The following GPC3 variants were observed in gnomAD, a reference collection of about 807,000 sequenced individuals.
The protein encoded by GPC3 is glypican 3.
GPC3 carries 3 observed loss-of-function variants against 34.4 expected under a neutral mutation model. The observed-to-expected ratio is 0.09, with a 90% confidence interval of 0.04 to 0.23. The LOEUF is 0.23. GPC3 is among the 10% of genes least tolerant of loss of function. The probability of loss-of-function intolerance (pLI) is 1.00; values close to 1 mark genes in which losing one functional copy is unlikely to be tolerated. For synonymous variants in GPC3, 177 were observed against 174.0 expected, an observed-to-expected ratio of 1.02 and a Z score of -0.13; for missense variants, 351 against 445.6, an observed-to-expected ratio of 0.79 and a Z score of 1.91.
At chrX:133,540,527 CATAAT>C (rs1298825597) in intron 7 of GPC3, among the ~76,000 whole-genome samples, 2 of 110,986 alleles carry the variant, frequency 1.8e-5, no homozygotes, top group Non-Finnish European at 3.8e-5. Flanking sequence ...ATAAGAATGA[CATAAT>C]AGACACTGGG....
At chrX:133,628,840 G>T (rs2070335277) in intron 6 of GPC3, among the ~76,000 whole-genome samples, 1 of 110,478 alleles carries the variant, frequency 9.1e-6, no homozygotes, top group South Asian at 3.9e-4. Flanking sequence ...TTACAAATAG[G>T]GTATGGCATA....
chrX:133,903,574 A>G (rs2076155253), intron 2 of GPC3, among the ~76,000 whole-genome samples: 1 of 112,406 alleles, frequency 8.9e-6, no homozygotes, highest in Non-Finnish European at 1.9e-5. Flanking sequence ...GGGCGACAAG[A>G]GCGAAACTCT....
At chrX:133,829,715 T>C (rs192297355) in intron 2 of GPC3, among the ~76,000 whole-genome samples, 1 of 111,891 alleles carries the variant, frequency 8.9e-6, no homozygotes, top group African/African-American at 3.2e-5. Context: ...AAAAATAATA[T>C]ACTATGCAAA....
At chrX:133,773,893 G>T (rs900504926) in intron 2 of GPC3, among the ~76,000 whole-genome samples, 3 of 111,665 alleles carry the variant, frequency 2.7e-5, no homozygotes, top group African/African-American at 9.8e-5. Flanking sequence ...AGGACTACCT[G>T]AGTGTTAAGT....
intron 2 of GPC3, among the ~76,000 whole-genome samples, chrX:133,899,045 A>T (rs1274642228): frequency 8.9e-6 from 1 of 112,042 alleles, no homozygotes. Flanking sequence ...AGGCACACAC[A>T]TGTTTTTTAA....
intron 5 of GPC3, chrX:133,671,282 A>G: frequency 1.1e-6 from 1 of 929,330 alleles, no homozygotes; most frequent in Non-Finnish European, 1.6e-6. Flanking sequence ...GTATGAGAAG[A>G]AAAAGACCTC....
At chrX:133,954,585 C>A (rs1405451672) in intron 1 of GPC3, among the ~76,000 whole-genome samples, 1 of 109,926 alleles carries the variant, frequency 9.1e-6, no homozygotes, top group Non-Finnish European at 1.9e-5. Flanking sequence ...GAGAAGGCAT[C>A]TTCCATAAGG....
intron 3 of GPC3, among the ~76,000 whole-genome samples, chrX:133,703,816 C>G (rs758577240): frequency 1.3e-4 from 15 of 111,691 alleles, no homozygotes; most frequent in South Asian, 7.5e-4. Context: ...CCAGAAGCAC[C>G]GTCCTTGTAC....
intron 2 of GPC3, among the ~76,000 whole-genome samples, chrX:133,921,972 T>A (rs1322063522): frequency 8.9e-6 from 1 of 112,592 alleles, no homozygotes. Context: ...CTGGTTGCCA[T>A]CTGGCCATTA....
At chrX:133,557,150 C>T (rs1307047567) in intron 7 of GPC3, among the ~76,000 whole-genome samples, 6 of 108,464 alleles carry the variant, frequency 5.5e-5, no homozygotes, top group African/African-American at 1.3e-4. Context: ...AAAAATTAGC[C>T]GGGCATGGTG....
chrX:133,848,700 A>G (rs1603258922), intron 2 of GPC3, among the ~76,000 whole-genome samples: 1 of 111,994 alleles, frequency 8.9e-6, no homozygotes, highest in African/African-American at 3.2e-5. Flanking sequence ...ATGCAGTCAC[A>G]TAAGCACAGT....
chrX:133,676,072 G>C (rs1486598509), intron 5 of GPC3, among the ~76,000 whole-genome samples: 1 of 112,230 alleles, frequency 8.9e-6, no homozygotes, highest in Non-Finnish European at 1.9e-5. Context: ...ATTGCTTCAT[G>C]AGCCATCTAT....
At chrX:133,612,015 A>T (rs2070118242) in intron 6 of GPC3, among the ~76,000 whole-genome samples, 1 of 112,395 alleles carries the variant, frequency 8.9e-6, no homozygotes, top group African/African-American at 3.2e-5. Context: ...TCACATGCTT[A>T]GGCACTCACA....
rs529596458 is a variant in GPC3 at position 133,872,703 on chromosome X, C to T, written c.337+80347G>A. On this transcript the variant is annotated intron_variant, in intron 2 of 7. Transcript: ENST00000370818. ...AGACTGAACATTTGTCTACTGGCTTCAAAGTCTACCTCTTTTTTTCCCTTT... is the reference window on the plus strand; with the variant it reads ...AGACTGAACATTTGTCTACTGGCTTTAAAGTCTACCTCTTTTTTTCCCTTT... 1.1e-3 allele frequency among the ~76,000 whole-genome samples: 129 copies of T among 112,176 alleles called. No individual in the cohort carries two copies. The South Asian group carries it at 0.015, about 13-fold the overall frequency.
chrX:133,615,718 C>T (rs898537918), intron 6 of GPC3, among the ~76,000 whole-genome samples: 33 of 105,521 alleles, frequency 3.1e-4, no homozygotes, highest in Middle Eastern at 5.0e-3. Flanking sequence ...CAAACCCGCA[C>T]GTTGTGAACA....
At chrX:133,830,466 G>A (rs1233161375) in intron 2 of GPC3, among the ~76,000 whole-genome samples, 3 of 110,398 alleles carry the variant, frequency 2.7e-5, no homozygotes, top group Non-Finnish European at 5.7e-5. Flanking sequence ...ACCACCTGAG[G>A]TCAGGAGTTC....
chrX:133,572,391 G>A (rs2069641472), intron 7 of GPC3, among the ~76,000 whole-genome samples: 1 of 111,217 alleles, frequency 9.0e-6, no homozygotes, highest in Non-Finnish European at 1.9e-5. Flanking sequence ...AAACAAGAAG[G>A]AAGATTTCAA....
At chrX:133,841,733 G>A (rs2075825296) in intron 2 of GPC3, among the ~76,000 whole-genome samples, 1 of 111,832 alleles carries the variant, frequency 8.9e-6, no homozygotes, top group African/African-American at 3.3e-5. Flanking sequence ...CTGTGTGGGT[G>A]TTGCCAAAAG....
At chrX:133,740,190 G>A (rs1387725209) in intron 3 of GPC3, among the ~76,000 whole-genome samples, 1 of 112,079 alleles carries the variant, frequency 8.9e-6, no homozygotes, top group Non-Finnish European at 1.9e-5. Flanking sequence ...TTTGAGTCAT[G>A]CATTAATTGT....
Sources: allele counts gnomAD v4.1 joint callset (sites outside exome capture counted in the v4.1 genomes callset), GRCh38; gene constraint gnomAD v4.1.1; transcripts MANE v1.5; gene names NCBI Gene and HGNC (gene_info 2026-07-23, HGNC 2026-07-21).